NUDT11: variants seen among roughly 807,000 people sequenced by gnomAD.
The protein encoded by NUDT11 is diphosphoinositol polyphosphate phosphohydrolase 3-beta.
Under a neutral mutation model 10.0 loss-of-function variants are expected in NUDT11, and 1 was observed. The observed-to-expected ratio is 0.10, with a 90% CI of 0.04 to 0.47. The LOEUF (loss-of-function observed/expected upper bound fraction) is 0.47, where lower values mean the gene tolerates loss of function less well. Ranked by LOEUF, NUDT11 falls within the 20% of genes least tolerant of loss-of-function variation. The pLI, the probability that NUDT11 is intolerant of heterozygous loss-of-function variation, is 0.96. For missense variants in NUDT11, 47 were observed against 140.4 expected (o/e 0.33, Z 3.36); for synonymous variants, 63 against 65.9 (o/e 0.96, Z 0.21).
At chrX:51,493,922 G>A (rs1925648213) in intron 1 of NUDT11, among the ~76,000 whole-genome samples, 1 of 111,605 alleles carries the variant, frequency 9.0e-6, no homozygotes, top group Admixed American at 9.5e-5. Context: ...AGTCTCCAAA[G>A]TAATCGTGAC....
rs1557326127 is a variant in NUDT11, at chrX:51,490,980, A to G, written c.*769T>C. The G allele has an allele frequency of 8.9e-6, 1 of 112,597 alleles. No individual in the cohort carries two copies. Among genetic ancestry groups the G allele is most frequent in the African/African-American group, 3.2e-5 (1 of 30,961 alleles). The allele number at this position is 112,597 out of a possible 1,213,427, so 9.3% of individuals were successfully genotyped here. On this transcript the variant is annotated 3_prime_UTR_variant, in exon 2 of 2. Transcript: ENST00000375992. The stretch of plus-strand genomic sequence containing the variant: ...CAGGCATTGCAAAAAAATGTCTTAT[A>G]TATCATTTTAAAATTTATTTTTATA...
chrX:51,492,687 T>G (rs1925621952), intron 1 of NUDT11, among the ~76,000 whole-genome samples: 1 of 112,035 alleles, frequency 8.9e-6, no homozygotes, highest in Admixed American at 9.5e-5. Flanking sequence ...TGCTCTCTTA[T>G]TCTTATAAAA....
chrX:51,496,179 C>T lies in NUDT11; in HGVS notation c.266G>A (p.Arg89His). 1 of 1,211,728 alleles carries T rather than the reference C, an allele frequency of 8.3e-7. No individual in the cohort carries two copies. Among genetic ancestry groups the T allele is most frequent in the Non-Finnish European group, 1.1e-6 (1 of 895,430 alleles). Residue 89 changes from arginine (R) to histidine (H), a missense_variant, in exon 1 of 2, where the codon CGC becomes CAC. Transcript: ENST00000375992. ...LLGVFEQNQD[R>H]KHRTYVYVLT... ...TACATACACGTACGTTCTGTGCTTG[C>T]GATCCTGGTTCTGTTCGAAGACGCC...
At position 51,496,561 on chromosome X, in the gene NUDT11, C is replaced by A. The variant is rs1390616961; in HGVS notation, c.-117G>T. Reference sequence around the variant, plus strand: ...GTGCTGGGAAGAGAAAGGGCCGAGGCGAGGGGCGGGGAAAGAGAGGCGCCT... The same window carrying A: ...GTGCTGGGAAGAGAAAGGGCCGAGGAGAGGGGCGGGGAAAGAGAGGCGCCT... On this transcript the variant is annotated 5_prime_UTR_variant, in exon 1 of 2. Coordinates refer to ENST00000375992, the MANE Select transcript of NUDT11 (RefSeq NM_018159.4). 4.3e-5 allele frequency: 47 copies of A among 1,087,122 alleles called. No individual in the cohort carries two copies. Among genetic ancestry groups the A allele is most frequent in the Admixed American group, 1.0e-4 (3 of 29,869 alleles). 89.6% of individuals were successfully genotyped at this position (1,087,122 alleles called of 1,213,427 possible).
intron 1 of NUDT11, among the ~76,000 whole-genome samples, chrX:51,494,023 G>A (rs1020764491): frequency 2.7e-5 from 3 of 111,582 alleles, no homozygotes; most frequent in African/African-American, 9.8e-5. Context: ...GTAGAAACAA[G>A]AACCTTCTGT....
intron 1 of NUDT11, among the ~76,000 whole-genome samples, chrX:51,493,166 G>C (rs2049561848): frequency 8.9e-6 from 1 of 112,085 alleles, no homozygotes; most frequent in African/African-American, 3.2e-5. Context: ...TCCAGTATAT[G>C]CATCTATATT....
At chrX:51,492,318 C>A (rs113008838) in intron 1 of NUDT11, among the ~76,000 whole-genome samples, 117 of 110,716 alleles carry the variant, frequency 1.1e-3, no homozygotes, top group African/African-American at 3.6e-3. Flanking sequence ...GGAACTAGAT[C>A]TGTCTGACTT....
Position 51,491,613 on chromosome X carries a change from C to T in NUDT11, c.*136G>A. 1.9e-6 allele frequency: 1 copy of T among 523,843 alleles called. No individual in the cohort carries two copies. The highest frequency in any genetic ancestry group is 3.4e-5 in the East Asian group (1 of 29,394). The allele number at this position is 523,843 out of a possible 1,213,427, so 43.2% of individuals were successfully genotyped here. A position where few individuals can be genotyped will look rare whatever the true frequency, so the allele number is the denominator to read the frequency against. On this transcript the variant is annotated 3_prime_UTR_variant, in exon 2 of 2. Transcript: ENST00000375992. ...GTGGTATAGACAGGGAAGGAGTGTCCCAAGATGCAGGAAGAAACCAGATGA... is the reference window on the plus strand; with the variant it reads ...GTGGTATAGACAGGGAAGGAGTGTCTCAAGATGCAGGAAGAAACCAGATGA...
At chrX:51,494,275 G>C (rs782065803) in intron 1 of NUDT11, among the ~76,000 whole-genome samples, 1 of 111,682 alleles carries the variant, frequency 9.0e-6, no homozygotes, top group Non-Finnish European at 1.9e-5. Flanking sequence ...TTTGTTAAGA[G>C]AAAAATAGAA....
intron 1 of NUDT11, among the ~76,000 whole-genome samples, chrX:51,493,618 G>A (rs1263726932): frequency 2.7e-5 from 3 of 111,185 alleles, no homozygotes; most frequent in African/African-American, 9.8e-5. Flanking sequence ...GTTTTGAAGA[G>A]AAAAAAAGAA....
rs782418983 is a variant in NUDT11, at chrX:51,491,555, C to T, written c.*194G>A. The T allele has an allele frequency of 3.7e-5, 16 of 428,893 alleles. No individual in the cohort carries two copies. Among genetic ancestry groups the T allele is most frequent in the Middle Eastern group, 5.4e-4 (1 of 1,849 alleles). 35.3% of individuals were successfully genotyped at this position (428,893 alleles called of 1,213,427 possible). A position where few individuals can be genotyped will look rare whatever the true frequency, so the allele number is the denominator to read the frequency against. On this transcript the variant is annotated 3_prime_UTR_variant, in exon 2 of 2. Coordinates refer to ENST00000375992, the MANE Select transcript of NUDT11 (RefSeq NM_018159.4). ...AGGTGCTGAATTAAGAGTCTATTCA[C>T]GTATAAGAGTACAACAACCAGAGCA... is the stretch of plus-strand genomic sequence containing the variant.
chrX:51,490,191 CAT>C lies in NUDT11; in HGVS notation c.*1556_*1557del, dbSNP rs1421731740. ...ATGATTTTGAAGCGAATACCAGTAACATATCATTTCACCTGTACATTTTTCAG... is the reference window on the plus strand; with the variant it reads ...ATGATTTTGAAGCGAATACCAGTAACATCATTTCACCTGTACATTTTTCAG... On this transcript the variant is annotated 3_prime_UTR_variant, in exon 2 of 2. Coordinates refer to ENST00000375992, the MANE Select transcript of NUDT11 (RefSeq NM_018159.4). 1 of 111,591 alleles carries C rather than the reference CAT, an allele frequency of 9.0e-6. No individual in the cohort carries two copies. Among genetic ancestry groups the C allele is most frequent in the Non-Finnish European group, 1.9e-5 (1 of 53,143 alleles). The allele number at this position is 111,591 out of a possible 1,213,427, so 9.2% of individuals were successfully genotyped here. A position where few individuals can be genotyped will look rare whatever the true frequency, so the allele number is the denominator to read the frequency against.
At position 51,490,058 on chromosome X, in the gene NUDT11, T is replaced by C. The variant is rs1220006673; in HGVS notation, c.*1691A>G. The C allele has an allele frequency of 9.0e-6, 1 of 111,649 alleles. No homozygotes were observed. Among genetic ancestry groups the C allele is most frequent in the Non-Finnish European group, 1.9e-5 (1 of 53,164 alleles). The allele number at this position is 111,649 out of a possible 1,213,427, so 9.2% of individuals were successfully genotyped here. On this transcript the variant is annotated 3_prime_UTR_variant, in exon 2 of 2. Transcript: ENST00000375992. ...GGAAAATTTCAAACATATACAAAAGTATAGAGAATAGTATAATGAACTCTC... is the reference window on the plus strand; with the variant it reads ...GGAAAATTTCAAACATATACAAAAGCATAGAGAATAGTATAATGAACTCTC...
Position 51,491,556 on chromosome X carries a change from G to T in NUDT11, c.*193C>A. 2.3e-6 allele frequency: 1 copy of T among 431,151 alleles called. No individual in the cohort carries two copies. The highest frequency in any genetic ancestry group is 4.1e-6 in the Non-Finnish European group (1 of 245,984). 35.5% of individuals were successfully genotyped at this position (431,151 alleles called of 1,213,427 possible). ...GGTGCTGAATTAAGAGTCTATTCAC[G>T]TATAAGAGTACAACAACCAGAGCAA... On this transcript the variant is annotated 3_prime_UTR_variant, in exon 2 of 2. Coordinates refer to ENST00000375992, the MANE Select transcript of NUDT11 (RefSeq NM_018159.4).
intron 1 of NUDT11, among the ~76,000 whole-genome samples, chrX:51,495,683 C>T (rs1320418803): frequency 1.1e-5 from 1 of 88,734 alleles, no homozygotes; most frequent in Non-Finnish European, 2.1e-5. Flanking sequence ...GCACCTAAAA[C>T]CCCAAGCCGC....
intron 1 of NUDT11, among the ~76,000 whole-genome samples, 184 bp from the exon 2 acceptor site, chrX:51,491,933 G>GTA (rs1469720605): frequency 1.8e-5 from 2 of 112,326 alleles, no homozygotes; most frequent in Non-Finnish European, 3.8e-5. Flanking sequence ...ATAAGCCAAT[G>GTA]TATACCATGA....
rs1431918807 is a variant in NUDT11, at chrX:51,496,566, G to T, written c.-122C>A. 1 of 1,072,167 alleles carries T rather than the reference G, an allele frequency of 9.3e-7. No homozygotes were observed. The highest frequency in any genetic ancestry group is 1.2e-6 in the Non-Finnish European group (1 of 815,270). 88.4% of individuals were successfully genotyped at this position (1,072,167 alleles called of 1,213,427 possible). A position where few individuals can be genotyped will look rare whatever the true frequency, so the allele number is the denominator to read the frequency against. ...GGGAAGAGAAAGGGCCGAGGCGAGG[G>T]GCGGGGAAAGAGAGGCGCCTCCGTC... is the stretch of plus-strand genomic sequence containing the variant. On this transcript the variant is annotated 5_prime_UTR_variant, in exon 1 of 2. Transcript: ENST00000375992.
intron 1 of NUDT11, among the ~76,000 whole-genome samples, chrX:51,495,064 A>G (rs1557326513): frequency 8.9e-6 from 1 of 111,871 alleles, no homozygotes; most frequent in Non-Finnish European, 1.9e-5. Flanking sequence ...GAGTATGGGA[A>G]ATCAAATTCT....
intron 1 of NUDT11, among the ~76,000 whole-genome samples, chrX:51,494,608 C>T (rs1456350710): frequency 1.1e-5 from 1 of 92,752 alleles, no homozygotes; most frequent in African/African-American, 3.9e-5. Flanking sequence ...AAAAAGCACA[C>T]AAGGGGGCAG....
Sources: allele counts gnomAD v4.1 joint callset (sites outside exome capture counted in the v4.1 genomes callset), GRCh38; gene constraint gnomAD v4.1.1; transcripts MANE v1.5; gene names NCBI Gene and HGNC (gene_info 2026-07-23, HGNC 2026-07-21).